Variants in NEGR1 observed in about 807,000 individuals in gnomAD.
NEGR1 encodes neuronal growth regulator 1, also known as IgLON family member 4.
Under a neutral mutation model 40.9 loss-of-function variants are expected in NEGR1, and 10 were observed. The ratio of observed to expected loss-of-function variants is 0.24; its 90% CI spans 0.15 to 0.42. The LOEUF is 0.42. NEGR1 is among the 10% of genes least tolerant of loss of function. The probability of loss-of-function intolerance (pLI) is 1.00; values close to 1 mark genes in which losing one functional copy is unlikely to be tolerated. For synonymous variants in NEGR1, 185 were observed against 166.8 expected, an observed-to-expected ratio of 1.11 and a Z score of -0.84; for missense variants, 352 against 438.9, an observed-to-expected ratio of 0.80 and a Z score of 1.77.
chr1:72,166,405 T>A (rs1004673361), intron 1 of NEGR1, among the ~76,000 whole-genome samples: 3 of 152,084 alleles, frequency 2.0e-5, no homozygotes, highest in Non-Finnish European at 4.4e-5. Context: ...TACCATCTGA[T>A]CCAGCAATCC....
At chr1:72,188,705 T>C (rs1652702962) in intron 1 of NEGR1, among the ~76,000 whole-genome samples, 1 of 151,422 alleles carries the variant, frequency 6.6e-6, no homozygotes, top group Non-Finnish European at 1.5e-5. Flanking sequence ...AATGGAATCA[T>C]CTCCTTATCT....
At chr1:71,574,352 T>C (rs1452968812) in intron 6 of NEGR1, among the ~76,000 whole-genome samples, 1 of 152,172 alleles carries the variant, frequency 6.6e-6, no homozygotes, top group Non-Finnish European at 1.5e-5. Flanking sequence ...TCAGTGAGAT[T>C]GTGGCAAGCT....
intron 2 of NEGR1, among the ~76,000 whole-genome samples, chr1:71,847,891 T>C (rs1659474020): frequency 6.6e-6 from 1 of 152,200 alleles, no homozygotes; most frequent in Admixed American, 6.5e-5. Context: ...CTAGGCCTCT[T>C]GCACCAAAGA....
At chr1:72,162,421 G>A (rs79461833) in intron 1 of NEGR1, among the ~76,000 whole-genome samples, 204 of 152,196 alleles carry the variant, frequency 1.3e-3, no homozygotes, top group Middle Eastern at 6.8e-3. Context: ...AGCCGAGATC[G>A]TGCCACTGCA....
chr1:72,063,978 T>C (rs1027078505), intron 1 of NEGR1, among the ~76,000 whole-genome samples: 22 of 151,972 alleles, frequency 1.4e-4, no homozygotes, highest in African/African-American at 5.3e-4. Context: ...TGGCTTACAG[T>C]TTCAATTTCA....
intron 6 of NEGR1, among the ~76,000 whole-genome samples, chr1:71,438,801 A>G (rs749127674): frequency 1.8e-4 from 27 of 152,218 alleles, no homozygotes; most frequent in South Asian, 8.3e-4. Context: ...ATTTGATGCT[A>G]TTATGGCCAG....
In NEGR1 at chr1:72,143,400, CAA is replaced by C. The variant is rs796704197; in HGVS notation, c.176+138917_176+138918del. Among the ~76,000 whole-genome samples the C allele has an allele frequency of 5.1e-4, 77 of 151,830 alleles. 1 individual carries two copies. The highest frequency in any genetic ancestry group is 1.8e-3 in the African/African-American group (74 of 41,496). ...CAAGACAGTCATGATGCACCTAAGG[CAA>C]AGAGTGAATGAGAGAGTGAGGAGAG... On this transcript the variant is annotated intron_variant, in intron 1 of 6. Transcript: ENST00000357731.
At chr1:71,636,469 A>G (rs1651154602) in intron 4 of NEGR1, among the ~76,000 whole-genome samples, 1 of 152,116 alleles carries the variant, frequency 6.6e-6, no homozygotes, top group Admixed American at 6.6e-5. Context: ...TGAGCAAAAC[A>G]CTGAAAGTAT....
intron 1 of NEGR1, among the ~76,000 whole-genome samples, chr1:72,144,455 T>C (rs1011551551): frequency 1.1e-5 from 1 of 93,470 alleles, no homozygotes; most frequent in African/African-American, 3.0e-5. Context: ...ACAAACTACA[T>C]ATATGCACAT....
chr1:71,872,207 G>T (rs1660299024), intron 2 of NEGR1, among the ~76,000 whole-genome samples: 1 of 152,148 alleles, frequency 6.6e-6, no homozygotes, highest in Non-Finnish European at 1.5e-5. Context: ...GGTGTTACAT[G>T]CAGGAAGACA....
intron 6 of NEGR1, among the ~76,000 whole-genome samples, chr1:71,493,470 G>C (rs1344839990): frequency 6.6e-6 from 1 of 151,926 alleles, no homozygotes. Context: ...TTTCCCCCTT[G>C]AATCCTTGTT....
intron 4 of NEGR1, among the ~76,000 whole-genome samples, chr1:71,616,960 G>A (rs1166688317): frequency 6.6e-6 from 1 of 152,172 alleles, no homozygotes; most frequent in Non-Finnish European, 1.5e-5. Context: ...TATAATGTGT[G>A]GTGACTGGCT....
chr1:71,949,032 TG>T (rs770084544), intron 1 of NEGR1, among the ~76,000 whole-genome samples: 17 of 152,136 alleles, frequency 1.1e-4, no homozygotes, highest in Non-Finnish European at 2.2e-4. Flanking sequence ...AATACTGATA[TG>T]GCTTCTTCAA....
intron 6 of NEGR1, among the ~76,000 whole-genome samples, chr1:71,513,144 A>G (rs746438737): frequency 6.6e-6 from 1 of 150,532 alleles, no homozygotes; most frequent in Non-Finnish European, 1.5e-5. Context: ...CAATTTTATT[A>G]CCTTATAATT....
At chr1:72,263,159 A>T (rs1390800880) in intron 1 of NEGR1, among the ~76,000 whole-genome samples, 1 of 151,652 alleles carries the variant, frequency 6.6e-6, no homozygotes, top group East Asian at 1.9e-4. Flanking sequence ...AAATATTATT[A>T]AAAATAGTTA....
intron 2 of NEGR1, among the ~76,000 whole-genome samples, chr1:71,804,287 TGTGAATGTTGCAAG>T (rs1657672631): frequency 6.6e-6 from 1 of 152,198 alleles, no homozygotes; most frequent in South Asian, 2.1e-4. Context: ...TCCCAACTAA[TGTGAATGTTGCAAG>T]GTGAATTAAT....
chr1:71,634,011 T>C (rs1450734887), intron 4 of NEGR1, among the ~76,000 whole-genome samples: 3 of 151,962 alleles, frequency 2.0e-5, no homozygotes, highest in Non-Finnish European at 2.9e-5. Context: ...TTCATAGATA[T>C]AGGTTTTGGG....
chr1:71,710,024 G>A (rs773227362), intron 3 of NEGR1, among the ~76,000 whole-genome samples: 2 of 152,064 alleles, frequency 1.3e-5, no homozygotes, highest in Admixed American at 6.5e-5. Context: ...TATATAAGGA[G>A]TTCAAACAAC....
chr1:72,052,681 C>G lies in NEGR1; in HGVS notation c.177-117370G>C, dbSNP rs572474209. Among the ~76,000 whole-genome samples the G allele has an allele frequency of 8.0e-4, 121 of 151,528 alleles. 1 individual carries two copies. The highest frequency in any genetic ancestry group is 2.8e-3 in the African/African-American group (115 of 41,438). On this transcript the variant is annotated intron_variant, in intron 1 of 6. Coordinates refer to ENST00000357731, the MANE Select transcript of NEGR1 (RefSeq NM_173808.3). ...AAAGTTTCACTTACTTTAATTTGTA[C>G]AAATTTGATTCTTGCTCTTTTTACT...
Sources: gnomAD v4.1 joint callset for allele counts (sites outside exome capture counted in the v4.1 genomes callset) on GRCh38, gnomAD v4.1.1 for gene constraint, MANE v1.5 for transcripts, NCBI Gene and HGNC (gene_info 2026-07-23, HGNC 2026-07-21) for gene names.